The following CNNM4 variants were observed in gnomAD, a reference collection of about 807,000 sequenced individuals.
The protein encoded by CNNM4 is cyclin and CBS domain divalent metal cation transport mediator 4.
CNNM4 carries 32 observed loss-of-function variants against 53.7 expected under a neutral mutation model. The ratio of observed to expected loss-of-function variants is 0.60; its 90% CI spans 0.45 to 0.80. The LOEUF (loss-of-function observed/expected upper bound fraction) is 0.80. CNNM4 is among the 30% of genes least tolerant of loss of function. The pLI is 0.00. For synonymous variants in CNNM4, 410 were observed against 440.0 expected, an observed-to-expected ratio of 0.93 and a Z score of 0.85; for missense variants, 784 against 1,022.0, an observed-to-expected ratio of 0.77 and a Z score of 3.17.
chr2:96,795,108 A>T (rs1285558029), intron 1 of CNNM4, among the ~76,000 whole-genome samples: 3 of 152,286 alleles, frequency 2.0e-5, no homozygotes, highest in Non-Finnish European at 2.9e-5. Flanking sequence ...CCCAGTGAGG[A>T]ATAAGGGATA....
chr2:96,771,425 C>T (rs1267693820), intron 1 of CNNM4, among the ~76,000 whole-genome samples: 1 of 152,010 alleles, frequency 6.6e-6, no homozygotes. Context: ...AACAGCATGG[C>T]TGGATGCAGT....
At position 96,762,009 on chromosome 2, in the gene CNNM4, A is replaced by G; in HGVS notation, c.1010A>G (p.Asn337Ser). The G allele has an allele frequency of 6.2e-7, 1 of 1,614,138 alleles. No individual in the cohort carries two copies. The highest frequency in any genetic ancestry group is 1.1e-5 in the South Asian group (1 of 91,084). The change falls in exon 1 of 7, where the codon AAC becomes AGC. Residue 337 changes from asparagine to serine, a missense_variant. Coordinates refer to ENST00000377075, the MANE Select transcript of CNNM4 (RefSeq NM_020184.4). Reference protein sequence around the residue: ...FLGQEIRTVYNREKLMEMLKV... With the variant: ...FLGQEIRTVYSREKLMEMLKV... The stretch of plus-strand genomic sequence containing the variant: ...GGCCAGGAGATTCGCACTGTTTACA[A>G]CCGGGAGAAGCTGATGGAGATGTTG...
At chr2:96,769,495 C>T (rs1444988479) in intron 1 of CNNM4, among the ~76,000 whole-genome samples, 5 of 135,948 alleles carry the variant, frequency 3.7e-5, no homozygotes, top group South Asian at 2.5e-4. Context: ...AATCGGGAGG[C>T]GGAGGTTGCA....
In CNNM4 at chr2:96,761,829, T is replaced by C. The variant is rs2078767328; in HGVS notation, c.830T>C (p.Ile277Thr). ...CTCATGGCGGTGGCCTCCTCCACCA[T>C]TGGCATTGTCATCTTTGGGGAGATC... ...SGLMAVASST[I>T]GIVIFGEILP... Residue 277 changes from isoleucine (I) to threonine (T), a missense_variant, in exon 1 of 7, where the codon ATT (isoleucine) becomes ACT (threonine). Physicochemically the swap from Ile to Thr is moderately conservative, Grantham distance 89. This residue lies in a region of CNNM4 where 473 missense variants were observed against 624.6 expected (regional missense o/e 0.76). Coordinates refer to ENST00000377075, the MANE Select transcript of CNNM4 (RefSeq NM_020184.4). This position sits in a 1 kb window ranked among gnomAD's most constrained non-coding sequence, Gnocchi z 6.0. 1 of 1,614,148 alleles carries C rather than the reference T, an allele frequency of 6.2e-7. No individual in the cohort carries two copies. Among genetic ancestry groups the C allele is most frequent in the Non-Finnish European group, 8.5e-7 (1 of 1,180,044 alleles).
Position 96,800,335 on chromosome 2 carries a change from G to A in CNNM4, c.1948+687G>A, listed in dbSNP as rs911921163. ...ATCTCCTCGCTCCTCTCCAGGCTTC[G>A]GTCCTGGGGCGAGGTTGCTGCAGGG... On this transcript the variant is annotated intron_variant, in intron 5 of 6. Transcript: ENST00000377075. This position sits in a 1 kb window ranked among gnomAD's most constrained non-coding sequence, Gnocchi z 4.6. 2.6e-5 allele frequency among the ~76,000 whole-genome samples: 4 copies of A among 152,198 alleles called. No individual in the cohort carries two copies. Among genetic ancestry groups the A allele is most frequent in the South Asian group, 2.1e-4 (1 of 4,830 alleles).
At chr2:96,777,432 A>G (rs975659536) in intron 1 of CNNM4, among the ~76,000 whole-genome samples, 3 of 151,818 alleles carry the variant, frequency 2.0e-5, no homozygotes, top group Admixed American at 6.6e-5. Context: ...TATAGCTTCA[A>G]CTTCCCAGGC....
intron 1 of CNNM4, among the ~76,000 whole-genome samples, chr2:96,771,225 C>T (rs2078866079): frequency 1.3e-5 from 2 of 152,128 alleles, no homozygotes; most frequent in South Asian, 2.1e-4. Context: ...TAAAGGGCCC[C>T]TGGCTTATGT....
chr2:96,797,358 T>C lies in CNNM4; in HGVS notation c.1547-155T>C, dbSNP rs1318597. 0.46 allele frequency among the ~76,000 whole-genome samples: 69,403 copies of C among 152,102 alleles called. 17,190 individuals carry two copies. The highest frequency in any genetic ancestry group is 0.65 in the African/African-American group (26,812 of 41,506). Reference sequence around the variant, plus strand: ...CGGAGGCTGCCTTCACCCTCGGCCTTTGTGCCTCGGCGTCAGCCCAGGACC... The same window carrying C: ...CGGAGGCTGCCTTCACCCTCGGCCTCTGTGCCTCGGCGTCAGCCCAGGACC... On this transcript the variant is annotated intron_variant, in intron 2 of 6. Coordinates refer to ENST00000377075, the MANE Select transcript of CNNM4 (RefSeq NM_020184.4). The surrounding 1 kb of genome is among the most constrained non-coding windows in gnomAD (Gnocchi z 6.0).
At chr2:96,772,180 A>G (rs1240746880) in intron 1 of CNNM4, among the ~76,000 whole-genome samples, 1 of 151,780 alleles carries the variant, frequency 6.6e-6, no homozygotes, top group Non-Finnish European at 1.5e-5. Flanking sequence ...TACCCCACAT[A>G]GGCACAGGCA....
chr2:96,785,514 C>T (rs2079009234), intron 1 of CNNM4, among the ~76,000 whole-genome samples: 1 of 151,772 alleles, frequency 6.6e-6, no homozygotes. Context: ...GCCTGTAATC[C>T]AGGCTACTTG....
chr2:96,808,171 A>C lies in CNNM4; in HGVS notation c.1949-390A>C, dbSNP rs2079225809. 6.6e-6 allele frequency among the ~76,000 whole-genome samples: 1 copy of C among 152,122 alleles called. No individual in the cohort carries two copies. Among genetic ancestry groups the C allele is most frequent in the Non-Finnish European group, 1.5e-5 (1 of 68,030 alleles). On this transcript the variant is annotated intron_variant, in intron 5 of 6. Coordinates refer to ENST00000377075, the MANE Select transcript of CNNM4 (RefSeq NM_020184.4). This position sits in a 1 kb window ranked among gnomAD's most constrained non-coding sequence, Gnocchi z 4.9. Reference sequence around the variant, plus strand: ...CCAAAGTGCTGGGATTACAAATGTGAACCACTGTGCCCAGCCTAAGAATGG... The same window carrying C: ...CCAAAGTGCTGGGATTACAAATGTGCACCACTGTGCCCAGCCTAAGAATGG...
chr2:96,780,208 C>T (rs1433681211), intron 1 of CNNM4, among the ~76,000 whole-genome samples: 1 of 152,116 alleles, frequency 6.6e-6, no homozygotes, highest in Admixed American at 6.6e-5. Flanking sequence ...AAATCTTACA[C>T]ATCTTTTCTT....
Position 96,810,285 on chromosome 2 carries a change from C to T in CNNM4, c.*768C>T. On this transcript the variant is annotated 3_prime_UTR_variant, in exon 7 of 7. Transcript: ENST00000377075. This position sits in a 1 kb window ranked among gnomAD's most constrained non-coding sequence, Gnocchi z 4.1. ...GGACTCAGCTGAGGACACATCCCCACCCTGCCTCCCATCTGGCCCTTTGGA... is the reference window on the plus strand; with the variant it reads ...GGACTCAGCTGAGGACACATCCCCATCCTGCCTCCCATCTGGCCCTTTGGA... The T allele has an allele frequency of 6.5e-6, 1 of 152,860 alleles. No individual in the cohort carries two copies. Among genetic ancestry groups the T allele is most frequent in the Non-Finnish European group, 1.5e-5 (1 of 68,134 alleles). The allele number at this position is 152,860 out of a possible 1,614,324, so 9.5% of individuals were successfully genotyped here. A position where few individuals can be genotyped will look rare whatever the true frequency, so the allele number is the denominator to read the frequency against.
At chr2:96,789,700 A>G (rs1173777736) in intron 1 of CNNM4, among the ~76,000 whole-genome samples, 1 of 144,102 alleles carries the variant, frequency 6.9e-6, no homozygotes, top group Non-Finnish European at 1.5e-5. Flanking sequence ...TTATTAGTTA[A>G]TTTTTTTTTT....
chr2:96,809,108 C>G (rs2079233735), intron 6 of CNNM4: 1 of 1,079,598 alleles, frequency 9.3e-7, no homozygotes, highest in African/African-American at 1.6e-5. Flanking sequence ...TCCTGAAGTG[C>G]TGGGATTACA....
rs748421182 is a variant in CNNM4 at position 96,761,186 on chromosome 2, G to A, written c.187G>A (p.Asp63Asn). The change falls in exon 1 of 7, where the codon GAT becomes AAT. Residue 63 changes from aspartate to asparagine, a missense_variant. Transcript: ENST00000377075. The surrounding 1 kb of genome is among the most constrained non-coding windows in gnomAD (Gnocchi z 6.0). ...SCNKSCGTNP[D>N]GIIFVSEGST... ...CAACAAGTCGTGTGGGACGAACCCG[G>A]ATGGCATCATCTTCGTGTCCGAGGG... is the stretch of plus-strand genomic sequence containing the variant. 2.5e-6 allele frequency: 4 copies of A among 1,613,716 alleles called. No individual in the cohort carries two copies. In the South Asian group the frequency reaches 4.4e-5, roughly 18 times the overall value.
At chr2:96,791,399 A>G (rs1399956753) in intron 1 of CNNM4, among the ~76,000 whole-genome samples, 2 of 152,014 alleles carry the variant, frequency 1.3e-5, no homozygotes, top group Admixed American at 1.3e-4. Context: ...AGGGAGGCTG[A>G]GGTGGGTGGA....
chr2:96,768,211 T>G (rs1385463464), intron 1 of CNNM4, among the ~76,000 whole-genome samples: 1 of 152,210 alleles, frequency 6.6e-6, no homozygotes, highest in African/African-American at 2.4e-5. Flanking sequence ...GCATTCACTT[T>G]TGGTTCCTCT....
chr2:96,771,599 A>G lies in CNNM4; in HGVS notation c.1402+9198A>G, dbSNP rs376258463. On this transcript the variant is annotated intron_variant, in intron 1 of 6. Coordinates refer to ENST00000377075, the MANE Select transcript of CNNM4 (RefSeq NM_020184.4). ...CGTGGTGGTGCATGCCTGTAATCCC[A>G]ACTACTTGGGAGGCTGAGGCAGGAG... 1.6e-4 allele frequency among the ~76,000 whole-genome samples: 25 copies of G among 152,146 alleles called. 2 individuals are homozygous for G. Among genetic ancestry groups the G allele is most frequent in the Admixed American group, 6.5e-4 (10 of 15,274 alleles).
Sources: allele counts gnomAD v4.1 joint callset (sites outside exome capture counted in the v4.1 genomes callset), GRCh38; gene constraint gnomAD v4.1.1; regional missense constraint gnomAD v4.1.1; non-coding constraint Gnocchi (gnomAD v3.1); transcripts MANE v1.5; gene names NCBI Gene and HGNC (gene_info 2026-07-23, HGNC 2026-07-21).